ZNF804A: variants seen among roughly 807,000 people sequenced by gnomAD.
ZNF804A encodes the protein zinc finger protein 804A.
A neutral mutation model predicts 16.5 loss-of-function variants in ZNF804A; 2 were observed. The observed-to-expected ratio is 0.12, with a 90% CI of 0.05 to 0.38. The LOEUF (loss-of-function observed/expected upper bound fraction) is 0.38, where lower values mean the gene tolerates loss of function less well. Ranked by LOEUF, ZNF804A falls within the 10% of genes least tolerant of loss-of-function variation. ZNF804A has a pLI of 0.99. For synonymous variants in ZNF804A, 534 were observed against 489.6 expected (o/e 1.09, Z -1.20); for missense variants, 1,473 against 1,390.7 (o/e 1.06, Z -0.94).
At chr2:184,729,224 A>T (rs1046630238) in intron 1 of ZNF804A, among the ~76,000 whole-genome samples, 2 of 151,948 alleles carry the variant, frequency 1.3e-5, no homozygotes, top group African/African-American at 2.4e-5. Context: ...TCATATTTTA[A>T]TAGCTTGATT....
chr2:184,694,842 AG>A (rs1692796501), intron 1 of ZNF804A, among the ~76,000 whole-genome samples: 1 of 152,240 alleles, frequency 6.6e-6, no homozygotes, highest in Admixed American at 6.5e-5. Flanking sequence ...AAGTTAGGGC[AG>A]AAGGAGCTAG....
rs80302511 is a variant in ZNF804A at position 184,654,840 on chromosome 2, T to C, written c.111+55770T>C. 7.9e-3 allele frequency among the ~76,000 whole-genome samples: 1,200 copies of C among 152,292 alleles called. 17 individuals carry two copies. Among genetic ancestry groups the C allele is most frequent in the African/African-American group, 0.028 (1,147 of 41,556 alleles). ...AACCAGGAACCCCAAACACCCAACC[T>C]GGGCCAAGAGAGATAATTCCATTGG... On this transcript the variant is annotated intron_variant, in intron 1 of 3. Transcript: ENST00000302277.
chr2:184,692,144 T>C (rs939811039), intron 1 of ZNF804A, among the ~76,000 whole-genome samples: 1 of 152,206 alleles, frequency 6.6e-6, no homozygotes, highest in African/African-American at 2.4e-5. Flanking sequence ...TATGTGTCTT[T>C]ATAAATATTA....
chr2:184,660,422 A>G (rs928538047), intron 1 of ZNF804A, among the ~76,000 whole-genome samples: 1 of 152,230 alleles, frequency 6.6e-6, no homozygotes, highest in African/African-American at 2.4e-5. Flanking sequence ...AAAATAAAAC[A>G]GAAAGCTTGT....
At chr2:184,724,273 T>C (rs2105744016) in intron 1 of ZNF804A, among the ~76,000 whole-genome samples, 1 of 151,876 alleles carries the variant, frequency 6.6e-6, no homozygotes, top group East Asian at 1.9e-4. Context: ...TTTATGTAAG[T>C]AAATGAAGTA....
At chr2:184,757,025 A>C (rs1693969541) in intron 1 of ZNF804A, among the ~76,000 whole-genome samples, 1 of 152,034 alleles carries the variant, frequency 6.6e-6, no homozygotes, top group Non-Finnish European at 1.5e-5. Flanking sequence ...TGGTTTAAAC[A>C]TTCCACAAGT....
chr2:184,774,920 CT>C (rs545485603), intron 1 of ZNF804A, among the ~76,000 whole-genome samples: 9 of 148,112 alleles, frequency 6.1e-5, no homozygotes, highest in South Asian at 2.1e-4. Context: ...GGATCACTCT[CT>C]TTTTTTTTTC....
intron 2 of ZNF804A, among the ~76,000 whole-genome samples, chr2:184,883,741 A>G (rs1448885573): frequency 6.6e-6 from 1 of 152,124 alleles, no homozygotes; most frequent in East Asian, 1.9e-4. Flanking sequence ...GCATTTGATA[A>G]AATTCAACAC....
intron 1 of ZNF804A, among the ~76,000 whole-genome samples, chr2:184,811,883 A>T (rs893255415): frequency 5.9e-5 from 9 of 152,212 alleles, no homozygotes; most frequent in African/African-American, 1.7e-4. Flanking sequence ...AGCTTTGCAG[A>T]TTAATTCAGC....
At chr2:184,676,609 A>C (rs1002247826) in intron 1 of ZNF804A, among the ~76,000 whole-genome samples, 8 of 151,696 alleles carry the variant, frequency 5.3e-5, no homozygotes, top group South Asian at 2.1e-4. Flanking sequence ...TATTTTTGTG[A>C]GATCCCATAG....
intron 1 of ZNF804A, among the ~76,000 whole-genome samples, chr2:184,703,970 AT>A (rs1412544191): frequency 5.9e-5 from 9 of 152,140 alleles, no homozygotes; most frequent in African/African-American, 2.2e-4. Context: ...AATTTTTAGG[AT>A]AAACTACTTT....
rs148623755 is a variant in ZNF804A, at chr2:184,743,769, C to T, written c.112-122600C>T. Reference sequence around the variant, plus strand: ...GTGGTATATTTTGTATATATCTATACTTAGTTTATTCTTACTGCGATTTAA... The same window carrying T: ...GTGGTATATTTTGTATATATCTATATTTAGTTTATTCTTACTGCGATTTAA... On this transcript the variant is annotated intron_variant, in intron 1 of 3. Coordinates refer to ENST00000302277, the MANE Select transcript of ZNF804A (RefSeq NM_194250.2). 3.4e-4 allele frequency among the ~76,000 whole-genome samples: 51 copies of T among 151,996 alleles called. 1 individual carries two copies. In the East Asian group the frequency reaches 9.7e-3, roughly 29 times the overall value.
chr2:184,599,548 C>G (rs1052874165), intron 1 of ZNF804A, among the ~76,000 whole-genome samples: 3 of 152,072 alleles, frequency 2.0e-5, no homozygotes, highest in Admixed American at 6.5e-5. Context: ...CCAGCTCTTT[C>G]CTGAAGGACT....
At chr2:184,715,577 T>C (rs1038085184) in intron 1 of ZNF804A, among the ~76,000 whole-genome samples, 1 of 151,972 alleles carries the variant, frequency 6.6e-6, no homozygotes, top group Non-Finnish European at 1.5e-5. Flanking sequence ...TATTTTTTAA[T>C]TCTGGTAGTG....
chr2:184,669,018 T>C (rs1438937094), intron 1 of ZNF804A, among the ~76,000 whole-genome samples: 1 of 151,966 alleles, frequency 6.6e-6, no homozygotes, highest in Non-Finnish European at 1.5e-5. Flanking sequence ...CTTTCAAATA[T>C]ATAGTACTCA....
chr2:184,824,662 G>C (rs1228968303), intron 1 of ZNF804A, among the ~76,000 whole-genome samples: 1 of 151,990 alleles, frequency 6.6e-6, no homozygotes, highest in Non-Finnish European at 1.5e-5. Flanking sequence ...CTTTTTTATT[G>C]TAATTCTGGA....
chr2:184,785,300 A>T (rs1694431186), intron 1 of ZNF804A, among the ~76,000 whole-genome samples: 1 of 152,012 alleles, frequency 6.6e-6, no homozygotes, highest in African/African-American at 2.4e-5. Context: ...TTATTTTAAA[A>T]ATTAAGAGCA....
rs571961129 is a variant in ZNF804A at position 184,822,498 on chromosome 2, C to G, written c.112-43871C>G. Among the ~76,000 whole-genome samples the G allele has an allele frequency of 3.3e-5, 5 of 152,102 alleles. No individual in the cohort carries two copies. The South Asian group carries it at 8.3e-4, about 25-fold the overall frequency. ...AGCAAACCACCATGGCACACATTTA[C>G]CCATGTACCCTGGAATTTAAAATAA... On this transcript the variant is annotated intron_variant, in intron 1 of 3. Coordinates refer to ENST00000302277, the MANE Select transcript of ZNF804A (RefSeq NM_194250.2).
intron 1 of ZNF804A, among the ~76,000 whole-genome samples, chr2:184,658,183 A>C (rs1401061835): frequency 6.6e-6 from 1 of 152,194 alleles, no homozygotes; most frequent in Non-Finnish European, 1.5e-5. Flanking sequence ...CATAACACTG[A>C]GAAGTTTTTT....
Sources: allele counts gnomAD v4.1 joint callset (sites outside exome capture counted in the v4.1 genomes callset), GRCh38; gene constraint gnomAD v4.1.1; transcripts MANE v1.5; gene names NCBI Gene and HGNC (gene_info 2026-07-23, HGNC 2026-07-21).